LRRC8D: variants seen among roughly 807,000 people sequenced by gnomAD.
LRRC8D encodes volume-regulated anion channel subunit LRRC8D.
LRRC8D carries 20 observed loss-of-function variants against 55.8 expected under a neutral mutation model. The ratio of observed to expected loss-of-function variants is 0.36; its 90% confidence interval spans 0.25 to 0.52. The LOEUF is 0.52. Among genes scored for constraint, LRRC8D ranks in the 20% least tolerant of loss-of-function variants. LRRC8D has a pLI of 0.93. For missense variants in LRRC8D, 651 were observed against 1,030.8 expected (o/e 0.63, Z 5.05); for synonymous variants, 352 against 377.0 (o/e 0.93, Z 0.77).
chr1:89,919,255 G>A (rs939670143), intron 2 of LRRC8D, among the ~76,000 whole-genome samples: 3 of 152,168 alleles, frequency 2.0e-5, no homozygotes, highest in African/African-American at 4.8e-5. Flanking sequence ...GGGTTAGTGA[G>A]GTAAGCACCA....
rs187853925 is a variant in LRRC8D, at chr1:89,823,061, C to G, written c.-148+1770C>G. Among the ~76,000 whole-genome samples, 35 of 152,246 alleles carry G rather than the reference C, an allele frequency of 2.3e-4. No individual in the cohort carries two copies. In the East Asian group the frequency reaches 6.8e-3, roughly 29 times the overall value. On this transcript the variant is annotated intron_variant, in intron 1 of 2. Transcript: ENST00000337338. The stretch of plus-strand genomic sequence containing the variant: ...TGGAGCCAGGGAAAAATTCCAAAAT[C>G]TTGAATTGGCACAGTTTATTTATAT...
chr1:89,885,597 G>A (rs1662399354), intron 2 of LRRC8D, among the ~76,000 whole-genome samples: 1 of 152,082 alleles, frequency 6.6e-6, no homozygotes, highest in South Asian at 2.1e-4. Context: ...GTTTGGAAAG[G>A]GCAAAAAGGC....
chr1:89,889,947 G>C (rs1384980197), intron 2 of LRRC8D, among the ~76,000 whole-genome samples: 1 of 152,084 alleles, frequency 6.6e-6, no homozygotes, highest in Non-Finnish European at 1.5e-5. Context: ...CAGCACTTTG[G>C]GAGGCCGAGG....
chr1:89,859,259 T>A (rs1661637668), intron 2 of LRRC8D, among the ~76,000 whole-genome samples: 1 of 143,716 alleles, frequency 7.0e-6, no homozygotes, highest in Non-Finnish European at 1.5e-5. Context: ...AATTTGACTC[T>A]TTTTTTTTTT....
At chr1:89,897,082 G>A (rs562968848) in intron 2 of LRRC8D, among the ~76,000 whole-genome samples, 1 of 152,276 alleles carries the variant, frequency 6.6e-6, no homozygotes, top group Non-Finnish European at 1.5e-5. Flanking sequence ...GACCAGAGGG[G>A]CAGAAGGAAA....
At chr1:89,873,352 T>G (rs920484453) in intron 2 of LRRC8D, among the ~76,000 whole-genome samples, 2 of 152,228 alleles carry the variant, frequency 1.3e-5, no homozygotes, top group African/African-American at 4.8e-5. Context: ...ATATATACAC[T>G]TTTTAGGTTC....
chr1:89,844,852 G>C (rs138516812), intron 2 of LRRC8D, among the ~76,000 whole-genome samples: 1 of 152,162 alleles, frequency 6.6e-6, no homozygotes, highest in Admixed American at 6.5e-5. Flanking sequence ...TGGGATGGCT[G>C]AGAATAATCA....
chr1:89,821,609 C>G (rs191957918), intron 1 of LRRC8D, among the ~76,000 whole-genome samples: 103 of 152,274 alleles, frequency 6.8e-4, no homozygotes, highest in African/African-American at 2.4e-3. Flanking sequence ...CTCGCGCGCG[C>G]TCCCTTCTCT....
chr1:89,847,642 T>TC (rs1661312823), intron 2 of LRRC8D, among the ~76,000 whole-genome samples: 1 of 152,196 alleles, frequency 6.6e-6, no homozygotes, highest in African/African-American at 2.4e-5. Context: ...AAACTTTTTT[T>TC]CCCTTCACGT....
intron 2 of LRRC8D, among the ~76,000 whole-genome samples, chr1:89,846,827 A>G (rs1038084969): frequency 6.6e-5 from 10 of 152,166 alleles, no homozygotes; most frequent in African/African-American, 2.4e-4. Context: ...TTAGTGAGCA[A>G]GTATCTTTCC....
intron 1 of LRRC8D, among the ~76,000 whole-genome samples, chr1:89,840,514 G>C (rs1226981467): frequency 6.6e-6 from 1 of 152,186 alleles, no homozygotes; most frequent in South Asian, 2.1e-4. Flanking sequence ...CCCACAGCTG[G>C]CCACTGCTCT....
At chr1:89,924,845 A>G (rs1289980855) in intron 2 of LRRC8D, among the ~76,000 whole-genome samples, 2 of 152,218 alleles carry the variant, frequency 1.3e-5, no homozygotes, top group South Asian at 2.1e-4. Context: ...GTTCTCACTT[A>G]TAAGTGGGAG....
intron 2 of LRRC8D, among the ~76,000 whole-genome samples, chr1:89,916,203 C>T (rs554849933): frequency 6.6e-6 from 1 of 152,300 alleles, no homozygotes; most frequent in African/African-American, 2.4e-5. Flanking sequence ...GGGAAGAAAC[C>T]ATTAATTCCA....
intron 2 of LRRC8D, among the ~76,000 whole-genome samples, chr1:89,877,598 C>CTGGCTAATGCAGCCTGTTCCTAAAACG (rs201135469): frequency 6.6e-6 from 1 of 152,154 alleles, no homozygotes; most frequent in African/African-American, 2.4e-5. Flanking sequence ...GTATATTAAC[C>CTGGCTAATGCAGCCTGTTCCTAAAACG]TGGCTAATGC....
At chr1:89,905,365 G>A (rs184594554) in intron 2 of LRRC8D, among the ~76,000 whole-genome samples, 3 of 152,288 alleles carry the variant, frequency 2.0e-5, no homozygotes, top group African/African-American at 7.2e-5. Flanking sequence ...TTATGGGATG[G>A]AATATGGTCA....
In LRRC8D at chr1:89,935,113, T is replaced by TA; in HGVS notation, c.2049dup (p.Arg684ThrfsTer10). 1 of 1,614,246 alleles carries TA rather than the reference T, an allele frequency of 6.2e-7. No individual in the cohort carries two copies. Among genetic ancestry groups the TA allele is most frequent in the South Asian group, 1.1e-5 (1 of 91,090 alleles). On this transcript the variant is annotated frameshift_variant, in exon 3 of 3. Coordinates refer to ENST00000337338, the MANE Select transcript of LRRC8D (RefSeq NM_001134479.2). LOFTEE classifies it high-confidence loss of function. ...GAGGAAATCATCAGTTTCCAGCATTTAAAACGACTGACTTGTTTAAAATTA... is the reference window on the plus strand; with the variant it reads ...GAGGAAATCATCAGTTTCCAGCATTTAAAAACGACTGACTTGTTTAAAATTA...
chr1:89,888,450 TGATATAGATACAAAATACAAA>T (rs1662480184), intron 2 of LRRC8D, among the ~76,000 whole-genome samples: 1 of 152,178 alleles, frequency 6.6e-6, no homozygotes, highest in South Asian at 2.1e-4. Context: ...ATGTTTAGCT[TGATATAGATACAAAATACAAA>T]GAAATATTTA....
At chr1:89,931,946 A>G (rs879746607) in intron 2 of LRRC8D, among the ~76,000 whole-genome samples, 3 of 152,300 alleles carry the variant, frequency 2.0e-5, no homozygotes, top group Non-Finnish European at 4.4e-5. Flanking sequence ...TGGAAACCCA[A>G]GAACCTCTCA....
At chr1:89,922,968 T>G (rs1467883620) in intron 2 of LRRC8D, among the ~76,000 whole-genome samples, 1 of 152,252 alleles carries the variant, frequency 6.6e-6, no homozygotes, top group Non-Finnish European at 1.5e-5. Flanking sequence ...TGTCTTCTGA[T>G]TTTTGAACTG....
Sources: allele counts gnomAD v4.1 joint callset (sites outside exome capture counted in the v4.1 genomes callset), GRCh38; gene constraint gnomAD v4.1.1; transcripts MANE v1.5; gene names NCBI Gene and HGNC (gene_info 2026-07-23, HGNC 2026-07-21).